Variants in DNAH8 observed in about 807,000 individuals in gnomAD.
DNAH8 encodes dynein axonemal heavy chain 8.
A neutral mutation model predicts 562.1 loss-of-function variants in DNAH8; 382 were observed. That is an observed-to-expected ratio of 0.68 (90% CI 0.63 to 0.74). The LOEUF (loss-of-function observed/expected upper bound fraction) is 0.74, where lower values mean the gene tolerates loss of function less well. Ranked by LOEUF, DNAH8 falls within the 30% of genes least tolerant of loss-of-function variation. DNAH8 has a pLI of 0.00. For synonymous variants in DNAH8, 1,881 were observed against 1,919.4 expected (o/e 0.98, Z 0.52); for missense variants, 5,203 against 5,620.4 (o/e 0.93, Z 2.37).
intron 9 of DNAH8, among the ~76,000 whole-genome samples, chr6:38,753,880 A>G (rs2127598225): frequency 6.6e-6 from 1 of 152,314 alleles, no homozygotes. Flanking sequence ...TTTTGAAATG[A>G]CAGAAGTACT....
In DNAH8 at chr6:38,866,823, G is replaced by C; in HGVS notation, c.6640G>C (p.Ala2214Pro). Residue 2214 changes from alanine to proline, a missense_variant, in exon 47 of 93, where the codon GCT becomes CCT. This residue lies in a region of DNAH8 where 2,176 missense variants were observed against 2,365.1 expected (regional missense o/e 0.92). Transcript: ENST00000327475. ...SCGFLENVIL[A>P]QKFYVLYKLC... ...TGGTTTTCTTGAAAATGTTATCTTG[G>C]CTCAAAAATTTTACGTTCTTTACAA... is the stretch of plus-strand genomic sequence containing the variant. The C allele has an allele frequency of 6.2e-7, 1 of 1,613,242 alleles. No individual in the cohort carries two copies. Among genetic ancestry groups the C allele is most frequent in the Non-Finnish European group, 8.5e-7 (1 of 1,179,624 alleles).
At chr6:38,916,207 C>T (rs1336411112) in intron 68 of DNAH8, among the ~76,000 whole-genome samples, 3 of 152,160 alleles carry the variant, frequency 2.0e-5, no homozygotes, top group South Asian at 2.1e-4. Flanking sequence ...ACACACAATG[C>T]GATCCAGTCA....
chr6:38,790,547 G>A lies in DNAH8; in HGVS notation c.2781+142G>A, dbSNP rs142454287. ...GGTTTAAAATATCATGTTTTGGGCT[G>A]GGCACAGTGGCTCACACCTGTAATC... On this transcript the variant is annotated intron_variant, in intron 20 of 92. Coordinates refer to ENST00000327475, the MANE Select transcript of DNAH8 (RefSeq NM_001206927.2). 3.5e-4 allele frequency: 166 copies of A among 469,332 alleles called. 3 individuals are homozygous for A. In the East Asian group the frequency reaches 5.7e-3, roughly 16 times the overall value. The allele number at this position is 469,332 out of a possible 1,614,324, so 29.1% of individuals were successfully genotyped here.
Position 38,982,476 on chromosome 6 carries a change from T to C in DNAH8, c.12951+14T>C. On this transcript the variant is annotated intron_variant, in intron 86 of 92. Coordinates refer to ENST00000327475, the MANE Select transcript of DNAH8 (RefSeq NM_001206927.2). ...GATATTAAGAAAGTGAGTGAAATTA[T>C]GCCTTTTTTCCTGTTTTTATTGCTC... is the stretch of plus-strand genomic sequence containing the variant. The C allele has an allele frequency of 1.6e-6, 2 of 1,279,890 alleles. No individual in the cohort carries two copies. Among genetic ancestry groups the C allele is most frequent in the Non-Finnish European group, 2.3e-6 (2 of 876,872 alleles). 79.3% of individuals were successfully genotyped at this position (1,279,890 alleles called of 1,614,324 possible).
intron 57 of DNAH8, 32 bp downstream of exon 57, chr6:38,887,036 A>G (rs546345741): frequency 6.0e-5 from 86 of 1,445,308 alleles, no homozygotes; most frequent in Non-Finnish European, 8.2e-5. Context: ...ATTTTATTGC[A>G]TTACATAATG....
intron 21 of DNAH8, among the ~76,000 whole-genome samples, chr6:38,794,925 G>A (rs1770086694): frequency 6.6e-6 from 1 of 151,978 alleles, no homozygotes; most frequent in Non-Finnish European, 1.5e-5. Context: ...AAGGGAAATT[G>A]TTGAGTCATA....
intron 22 of DNAH8, among the ~76,000 whole-genome samples, chr6:38,804,605 C>T (rs533483845): frequency 8.6e-5 from 13 of 152,028 alleles, no homozygotes; most frequent in East Asian, 3.9e-4. Flanking sequence ...CCCAGACTCT[C>T]GAAGGAGACC....
At chr6:39,013,479 A>G (rs557488827) in intron 91 of DNAH8, among the ~76,000 whole-genome samples, 1 of 152,222 alleles carries the variant, frequency 6.6e-6, no homozygotes, top group African/African-American at 2.4e-5. Flanking sequence ...CCATTTATAC[A>G]AAGAAGAAGA....
chr6:38,792,272 G>A (rs1255611015), intron 21 of DNAH8, among the ~76,000 whole-genome samples: 5 of 152,064 alleles, frequency 3.3e-5, no homozygotes, highest in Non-Finnish European at 7.4e-5. Flanking sequence ...GTTTTTAGTA[G>A]AGATGGGGTT....
At chr6:38,896,578 AAAAC>A (rs376298695) in intron 60 of DNAH8, among the ~76,000 whole-genome samples, 12,138 of 151,266 alleles carry the variant, frequency 0.08, 564 homozygotes, top group Non-Finnish European at 0.084. Context: ...CTGTCTCAAA[AAAAC>A]AAACAAACAA....
intron 4 of DNAH8, 139 bp from the exon 5 acceptor site, chr6:38,734,335 C>CGA: frequency 1.8e-6 from 1 of 557,576 alleles, no homozygotes; most frequent in Non-Finnish European, 2.6e-6. Flanking sequence ...GACCCCCCCC[C>CGA]AAAAAAATTA....
At chr6:38,859,702 C>T (rs907819175) in intron 42 of DNAH8, among the ~76,000 whole-genome samples, 1 of 152,178 alleles carries the variant, frequency 6.6e-6, no homozygotes, top group African/African-American at 2.4e-5. Context: ...TTGAACAGAC[C>T]AGGTACTAGA....
chr6:38,887,833 CTTTTTT>C (rs538279493), intron 57 of DNAH8, among the ~76,000 whole-genome samples: 2 of 120,870 alleles, frequency 1.7e-5, no homozygotes, highest in Non-Finnish European at 3.4e-5. Flanking sequence ...AAAGGGCAGA[CTTTTTT>C]TTTTTTTTTT....
intron 33 of DNAH8, among the ~76,000 whole-genome samples, chr6:38,838,939 G>A (rs1774535334): frequency 6.6e-6 from 1 of 152,170 alleles, no homozygotes; most frequent in Admixed American, 6.5e-5. Context: ...ATAAGTTTAT[G>A]TTGACTTCCT....
At chr6:38,806,208 C>G (rs935940421) in intron 23 of DNAH8, among the ~76,000 whole-genome samples, 15 of 152,146 alleles carry the variant, frequency 9.9e-5, no homozygotes, top group Non-Finnish European at 1.6e-4. Context: ...TTTCTCCTCC[C>G]CGGGTCAGTT....
At chr6:38,833,276 T>C (rs1774002447) in intron 31 of DNAH8, among the ~76,000 whole-genome samples, 1 of 152,200 alleles carries the variant, frequency 6.6e-6, no homozygotes, top group Non-Finnish European at 1.5e-5. Flanking sequence ...ACATATCTGT[T>C]GATTTGCTGC....
chr6:38,754,887 A>G (rs906586983), intron 9 of DNAH8, among the ~76,000 whole-genome samples: 3 of 152,054 alleles, frequency 2.0e-5, no homozygotes, highest in Non-Finnish European at 4.4e-5. Context: ...TGTGGATGTG[A>G]CTTGATACTA....
At chr6:38,858,614 C>G (rs1322954461) in intron 42 of DNAH8, among the ~76,000 whole-genome samples, 1 of 152,204 alleles carries the variant, frequency 6.6e-6, no homozygotes, top group Non-Finnish European at 1.5e-5. Context: ...TCCTCCCATC[C>G]AAGACCTACT....
intron 1 of DNAH8, among the ~76,000 whole-genome samples, chr6:38,720,360 T>G (rs994946056): frequency 2.0e-5 from 3 of 152,206 alleles, no homozygotes; most frequent in Admixed American, 2.0e-4. Context: ...AGTTGCTGTT[T>G]GGCAGTACCA....
Sources: gnomAD v4.1 joint callset for allele counts (sites outside exome capture counted in the v4.1 genomes callset) on GRCh38, gnomAD v4.1.1 for gene constraint, gnomAD v4.1.1 regional missense constraint, MANE v1.5 for transcripts, NCBI Gene and HGNC (gene_info 2026-07-23, HGNC 2026-07-21) for gene names.